Variants in TMEM184B observed in about 807,000 individuals in gnomAD.
The protein encoded by TMEM184B is transmembrane protein 184B, also known as putative MAPK-activating protein FM08.
In TMEM184B, 17 loss-of-function variants were observed where a neutral mutation model predicts 41.8. The ratio of observed to expected loss-of-function variants is 0.41; its 90% CI spans 0.28 to 0.61. The LOEUF is 0.61. Ranked by LOEUF, TMEM184B falls within the 20% of genes least tolerant of loss-of-function variation. The pLI, the probability that TMEM184B is intolerant of heterozygous loss-of-function variation, is 0.34. For synonymous variants in TMEM184B, 240 were observed against 229.5 expected (o/e 1.05, Z -0.41); for missense variants, 393 against 557.8 (o/e 0.70, Z 2.98).
At chr22:38,242,205 C>G (rs1038132733) in intron 3 of TMEM184B, among the ~76,000 whole-genome samples, 3 of 151,670 alleles carry the variant, frequency 2.0e-5, no homozygotes, top group African/African-American at 7.3e-5. Flanking sequence ...TGGTGGCTCA[C>G]GCCTGTAATC....
chr22:38,225,877 G>A lies in TMEM184B; in HGVS notation c.618-284C>T, dbSNP rs906479301. Among the ~76,000 whole-genome samples, 1 of 152,214 alleles carries A rather than the reference G, an allele frequency of 6.6e-6. No individual in the cohort carries two copies. The highest frequency in any genetic ancestry group is 2.4e-5 in the African/African-American group (1 of 41,448). On this transcript the variant is annotated intron_variant, in intron 6 of 8. Transcript: ENST00000361906. This position sits in a 1 kb window ranked among gnomAD's most constrained non-coding sequence, Gnocchi z 4.4. ...ACGTTGGACACCAGTGTGGAAGCCA[G>A]GGCCGGGCCCGAGGCCATAGCCTGA...
intron 3 of TMEM184B, chr22:38,231,578 G>A (rs757294143): frequency 1.4e-5 from 9 of 634,638 alleles, no homozygotes; most frequent in Admixed American, 6.7e-5. Context: ...CTGCACTGGC[G>A]TAATACTATG....
At chr22:38,271,985 C>T (rs1050711754) in intron 1 of TMEM184B, among the ~76,000 whole-genome samples, 1 of 152,234 alleles carries the variant, frequency 6.6e-6, no homozygotes, top group Admixed American at 6.5e-5. Context: ...GCCTCCAGGG[C>T]ACAGATTGCT....
rs112339917 is a variant in TMEM184B at position 38,239,768 on chromosome 22, G to A, written c.358+6167C>T. Among the ~76,000 whole-genome samples, 115 of 152,270 alleles carry A rather than the reference G, an allele frequency of 7.6e-4. No homozygotes were observed. The highest frequency in any genetic ancestry group is 1.5e-3 in the Non-Finnish European group (100 of 68,012). On this transcript the variant is annotated intron_variant, in intron 3 of 8. Transcript: ENST00000361906. The surrounding 1 kb of genome is among the most constrained non-coding windows in gnomAD (Gnocchi z 4.6). ...AGAGGTCCTCTCAGATCTCTGCCAC[G>A]CTGTACCAGTCACTCAGCCTGTGCA...
intron 3 of TMEM184B, 48 bp downstream of exon 3, chr22:38,245,887 A>ACC: frequency 3.7e-6 from 2 of 545,594 alleles, no homozygotes; most frequent in Non-Finnish European, 3.4e-6. Context: ...AGGGGCTCCC[A>ACC]GCCCCCCAGC....
In TMEM184B at chr22:38,220,706, A is replaced by C; in HGVS notation, c.*763T>G. ...GCCCAAAGCTATCGAGGAAGGACCCAAGTGAGCCGGCAGTGCGGGCTGTGG... is the reference window on the plus strand; with the variant it reads ...GCCCAAAGCTATCGAGGAAGGACCCCAGTGAGCCGGCAGTGCGGGCTGTGG... On this transcript the variant is annotated 3_prime_UTR_variant, in exon 9 of 9. Coordinates refer to ENST00000361906, the MANE Select transcript of TMEM184B (RefSeq NM_012264.5). 1 of 986,298 alleles carries C rather than the reference A, an allele frequency of 1.0e-6. No individual in the cohort carries two copies. Among genetic ancestry groups the C allele is most frequent in the Non-Finnish European group, 1.2e-6 (1 of 830,246 alleles). 61.1% of individuals were successfully genotyped at this position (986,298 alleles called of 1,614,324 possible).
chr22:38,263,093 G>A (rs1188867533), intron 1 of TMEM184B, among the ~76,000 whole-genome samples: 2 of 152,066 alleles, frequency 1.3e-5, no homozygotes, highest in Non-Finnish European at 2.9e-5. Context: ...AGTGGAGATG[G>A]GGTTTCATCA....
chr22:38,259,085 G>A lies in TMEM184B; in HGVS notation c.-58-11066C>T, dbSNP rs1459562338. 2.6e-5 allele frequency among the ~76,000 whole-genome samples: 4 copies of A among 152,194 alleles called. No homozygotes were observed. In the East Asian group the frequency reaches 7.7e-4, roughly 29 times the overall value. On this transcript the variant is annotated intron_variant, in intron 1 of 8. Coordinates refer to ENST00000361906, the MANE Select transcript of TMEM184B (RefSeq NM_012264.5). ...TTCCAGGAAAGACGTCTTCCGGCTGGCCCCCCATCAGAGACATCCTTTCTC... is the reference window on the plus strand; with the variant it reads ...TTCCAGGAAAGACGTCTTCCGGCTGACCCCCCATCAGAGACATCCTTTCTC...
chr22:38,272,963 AGCCCCG>A lies in TMEM184B; in HGVS notation c.-144_-139del, dbSNP rs2092548170. 2.9e-5 allele frequency: 9 copies of A among 313,566 alleles called. No homozygotes were observed. Among genetic ancestry groups the A allele is most frequent in the Non-Finnish European group, 4.2e-5 (9 of 216,822 alleles). The allele number at this position is 313,566 out of a possible 1,614,324, so 19.4% of individuals were successfully genotyped here. On this transcript the variant is annotated 5_prime_UTR_variant, in exon 1 of 9. Transcript: ENST00000361906. Reference sequence around the variant, plus strand: ...CTGCGGGCGGGGCGGGCGGCGCCGCAGCCCCGGAGTCTCCGCCGCCGCCGGCGCGTC... The same window carrying A: ...CTGCGGGCGGGGCGGGCGGCGCCGCAGAGTCTCCGCCGCCGCCGGCGCGTC...
rs1374302185 is a variant in TMEM184B at position 38,252,226 on chromosome 22, A to AT, written c.-58-4208dup. The stretch of plus-strand genomic sequence containing the variant: ...AGGCATGAGCCACCATGCCCAGCTA[A>AT]TTTTTGTATTTTTTTGGAGAGATGG... On this transcript the variant is annotated intron_variant, in intron 1 of 8. Coordinates refer to ENST00000361906, the MANE Select transcript of TMEM184B (RefSeq NM_012264.5). Among the ~76,000 whole-genome samples, 29 of 151,828 alleles carry AT rather than the reference A, an allele frequency of 1.9e-4. 1 individual carries two copies. Among genetic ancestry groups the AT allele is most frequent in the Admixed American group, 1.9e-3 (29 of 15,246 alleles).
Position 38,247,974 on chromosome 22 carries a change from C to T in TMEM184B, c.-13G>A. ...CCCTCACTGTCATGGTGCCTGGCAG[C>T]AGGAGGCTCCCTGAGGGAAACCTTT... On this transcript the variant is annotated 5_prime_UTR_variant, in exon 2 of 9. Coordinates refer to ENST00000361906, the MANE Select transcript of TMEM184B (RefSeq NM_012264.5). 1 of 1,560,116 alleles carries T rather than the reference C, an allele frequency of 6.4e-7. No individual in the cohort carries two copies.
At chr22:38,222,308 A>G (rs1252331367) in intron 8 of TMEM184B, 1 of 153,954 alleles carries the variant, frequency 6.5e-6, no homozygotes, top group African/African-American at 2.4e-5. Flanking sequence ...GTGGCCCAGG[A>G]CACCTGGATG....
intron 3 of TMEM184B, among the ~76,000 whole-genome samples, chr22:38,238,735 C>T (rs776321459): frequency 8.5e-5 from 13 of 152,198 alleles, no homozygotes; most frequent in Non-Finnish European, 1.8e-4. Flanking sequence ...CACACTTTTC[C>T]AGGGGAGAAA....
rs569177538 is a variant in TMEM184B at position 38,262,950 on chromosome 22, T to C, written c.-59+9934A>G. Among the ~76,000 whole-genome samples the C allele has an allele frequency of 2.3e-3, 353 of 152,350 alleles. 2 individuals are homozygous for C. The highest frequency in any genetic ancestry group is 7.8e-3 in the African/African-American group (325 of 41,578). ...CAGAGTCTCGCTCTGTAGCTCAGGC[T>C]GGAGTACAATGGCATGATCTTGGCT... On this transcript the variant is annotated intron_variant, in intron 1 of 8. Transcript: ENST00000361906.
At position 38,221,184 on chromosome 22, in the gene TMEM184B, C is replaced by A. The variant is rs898473081; in HGVS notation, c.*285G>T. 3 of 1,261,090 alleles carry A rather than the reference C, an allele frequency of 2.4e-6. No individual in the cohort carries two copies. Among genetic ancestry groups the A allele is most frequent in the Non-Finnish European group, 2.0e-6 (2 of 1,000,816 alleles). 78.1% of individuals were successfully genotyped at this position (1,261,090 alleles called of 1,614,324 possible). ...CCTGGGTGCGGCTGGTCCCAGCATG[C>A]CCCCAGCACAGGACGGGCAGCAGGG... is the stretch of plus-strand genomic sequence containing the variant. On this transcript the variant is annotated 3_prime_UTR_variant, in exon 9 of 9. Coordinates refer to ENST00000361906, the MANE Select transcript of TMEM184B (RefSeq NM_012264.5).
intron 1 of TMEM184B, among the ~76,000 whole-genome samples, chr22:38,261,183 TG>T (rs1227582229): frequency 6.6e-6 from 1 of 152,178 alleles, no homozygotes; most frequent in African/African-American, 2.4e-5. Context: ...GCTGCATTAT[TG>T]GGGGAGGCTG....
At chr22:38,236,975 G>C (rs1338065244) in intron 3 of TMEM184B, among the ~76,000 whole-genome samples, 1 of 151,912 alleles carries the variant, frequency 6.6e-6, no homozygotes, top group Non-Finnish European at 1.5e-5. Flanking sequence ...CCTGTTTGTC[G>C]CCCTCCCAAA....
At chr22:38,258,335 C>T (rs1419674788) in intron 1 of TMEM184B, among the ~76,000 whole-genome samples, 3 of 148,330 alleles carry the variant, frequency 2.0e-5, no homozygotes, top group South Asian at 2.1e-4. Flanking sequence ...AAGTCTCACT[C>T]TGTCACCCAG....
At chr22:38,247,180 C>G (rs1036016039) in intron 2 of TMEM184B, among the ~76,000 whole-genome samples, 4 of 152,212 alleles carry the variant, frequency 2.6e-5, no homozygotes, top group East Asian at 1.9e-4. Context: ...TCCTCTCCCC[C>G]TCCCTCTCAG....
Sources: allele counts gnomAD v4.1 joint callset (sites outside exome capture counted in the v4.1 genomes callset), GRCh38; gene constraint gnomAD v4.1.1; non-coding constraint Gnocchi (gnomAD v3.1); transcripts MANE v1.5; gene names NCBI Gene and HGNC (gene_info 2026-07-23, HGNC 2026-07-21).